The following MYO5C variants were observed in gnomAD, a reference collection of about 807,000 sequenced individuals.
MYO5C encodes unconventional myosin-Vc.
In MYO5C, 194 loss-of-function variants were observed where a neutral mutation model predicts 235.7. The ratio of observed to expected loss-of-function variants is 0.82; its 90% CI spans 0.73 to 0.93. The LOEUF (loss-of-function observed/expected upper bound fraction) is 0.93. Ranked by LOEUF, MYO5C falls within the 40% of genes least tolerant of loss-of-function variation. The pLI, the probability that MYO5C is intolerant of heterozygous loss-of-function variation, is 0.00. For missense variants in MYO5C, 2,038 were observed against 2,127.2 expected (o/e 0.96, Z 0.82); for synonymous variants, 707 against 754.8 (o/e 0.94, Z 1.04).
intron 10 of MYO5C, among the ~76,000 whole-genome samples, chr15:52,259,682 G>C (rs2036651128): frequency 6.6e-6 from 1 of 152,220 alleles, no homozygotes; most frequent in African/African-American, 2.4e-5. Flanking sequence ...AATGTATTAA[G>C]CATTTTATAA....
chr15:52,218,797 A>C, intron 31 of MYO5C, 110 bp from the exon 32 acceptor site: 1 of 1,115,728 alleles, frequency 9.0e-7, no homozygotes, highest in Non-Finnish European at 1.3e-6. Context: ...ACCTTGGCCA[A>C]TTTCTGTGTA....
chr15:52,229,081 G>A, intron 25 of MYO5C, 52 bp downstream of exon 25: 1 of 1,597,662 alleles, frequency 6.3e-7, no homozygotes, highest in Non-Finnish European at 8.5e-7. Flanking sequence ...ACTTGGAATT[G>A]CAATCAAATG....
rs919869904 is a variant in MYO5C, at chr15:52,275,509, C to A, written c.606+53G>T. ...TTAGCCAGGAGAGCACACAAACCAA[C>A]CAACCCCCATTTCCATCACCAACAC... On this transcript the variant is annotated intron_variant, in intron 5 of 40. Coordinates refer to ENST00000261839, the MANE Select transcript of MYO5C (RefSeq NM_018728.4). 28 of 1,608,622 alleles carry A rather than the reference C, an allele frequency of 1.7e-5. 3 individuals carry two copies. Among genetic ancestry groups the A allele is most frequent in the Middle Eastern group, 3.3e-4 (2 of 6,040 alleles).
intron 35 of MYO5C, among the ~76,000 whole-genome samples, chr15:52,211,324 C>A (rs1404928568): frequency 1.3e-5 from 2 of 152,156 alleles, no homozygotes; most frequent in African/African-American, 4.8e-5. Context: ...CATTTGTGGA[C>A]TGGGAATAAA....
intron 38 of MYO5C, among the ~76,000 whole-genome samples, chr15:52,201,057 A>G (rs1671212407): frequency 6.6e-6 from 1 of 152,184 alleles, no homozygotes; most frequent in South Asian, 2.1e-4. Flanking sequence ...CAATAACAAA[A>G]AGTCTTTAAC....
At position 52,192,719 on chromosome 15, in the gene MYO5C, G is replaced by A. The variant is rs1231659943; in HGVS notation, c.*1183C>T. On this transcript the variant is annotated 3_prime_UTR_variant, in exon 41 of 41. Coordinates refer to ENST00000261839, the MANE Select transcript of MYO5C (RefSeq NM_018728.4). Reference sequence around the variant, plus strand: ...GGAAACGTAGATTTCTCAAAAGTAGGGTCCGACACAATTTTTTAGTTACTT... The same window carrying A: ...GGAAACGTAGATTTCTCAAAAGTAGAGTCCGACACAATTTTTTAGTTACTT... The A allele has an allele frequency of 1.3e-5, 2 of 152,018 alleles. No individual in the cohort carries two copies. Among genetic ancestry groups the A allele is most frequent in the Admixed American group, 6.6e-5 (1 of 15,264 alleles). The allele number at this position is 152,018 out of a possible 1,614,324, so 9.4% of individuals were successfully genotyped here.
intron 3 of MYO5C, 45 bp from the exon 4 acceptor site, chr15:52,279,062 C>G (rs751720552): frequency 6.4e-7 from 1 of 1,556,474 alleles, no homozygotes; most frequent in Non-Finnish European, 8.7e-7. Flanking sequence ...TTACTGCCAC[C>G]TGCATCTCCA....
At chr15:52,250,073 G>A (rs1020697985) in intron 13 of MYO5C, among the ~76,000 whole-genome samples, 6 of 152,070 alleles carry the variant, frequency 3.9e-5, no homozygotes, top group African/African-American at 1.2e-4. Flanking sequence ...TGCTTTTTAT[G>A]GAGTCTGGTC....
intron 13 of MYO5C, among the ~76,000 whole-genome samples, chr15:52,249,083 A>G (rs2036416409): frequency 6.6e-6 from 1 of 152,190 alleles, no homozygotes; most frequent in South Asian, 2.1e-4. Flanking sequence ...TCCTACAAGA[A>G]CACCTGACTT....
At chr15:52,258,304 G>A (rs1407427149) in intron 10 of MYO5C, among the ~76,000 whole-genome samples, 1 of 152,190 alleles carries the variant, frequency 6.6e-6, no homozygotes, top group Non-Finnish European at 1.5e-5. Context: ...AAATCACCCT[G>A]CAAGAGAGGC....
chr15:52,289,239 A>G (rs1407420238), intron 1 of MYO5C, among the ~76,000 whole-genome samples: 1 of 150,248 alleles, frequency 6.7e-6, no homozygotes, highest in Non-Finnish European at 1.5e-5. Context: ...TCTTCTCATG[A>G]TAGGCTGTTT....
intron 13 of MYO5C, among the ~76,000 whole-genome samples, chr15:52,250,159 A>T (rs2036440274): frequency 6.6e-6 from 1 of 152,148 alleles, no homozygotes; most frequent in Non-Finnish European, 1.5e-5. Flanking sequence ...TTGACATATG[A>T]TCATTTCATT....
chr15:52,235,006 T>TTG lies in MYO5C; in HGVS notation c.2962+662_2962+663dup, dbSNP rs374886628. Reference sequence around the variant, plus strand: ...AGGGATCACCAGGCTCTGTTGCCTGTTGCCTTTTCTGGGGTACAACAAGTA... The same window carrying TTG: ...AGGGATCACCAGGCTCTGTTGCCTGTTGTGCCTTTTCTGGGGTACAACAAGTA... On this transcript the variant is annotated intron_variant, in intron 23 of 40. Coordinates refer to ENST00000261839, the MANE Select transcript of MYO5C (RefSeq NM_018728.4). 3.2e-3 allele frequency among the ~76,000 whole-genome samples: 482 copies of TTG among 152,292 alleles called. 2 individuals are homozygous for TTG. Among genetic ancestry groups the TTG allele is most frequent in the African/African-American group, 0.011 (460 of 41,548 alleles).
chr15:52,286,402 G>A (rs1566995748), intron 1 of MYO5C, among the ~76,000 whole-genome samples: 2 of 152,128 alleles, frequency 1.3e-5, no homozygotes, highest in Admixed American at 1.3e-4. Context: ...GGGAAGTGAG[G>A]AGCCCCTCTG....
At chr15:52,225,167 T>C (rs1276675681) in intron 26 of MYO5C, 29 bp from the exon 27 acceptor site, 13 of 1,610,664 alleles carry the variant, frequency 8.1e-6, no homozygotes, top group Non-Finnish European at 1.1e-5. Context: ...GTTGTATATA[T>C]TACATTTGTG....
At chr15:52,239,592 GT>G in intron 21 of MYO5C, 140 bp downstream of exon 21, 1 of 808,990 alleles carries the variant, frequency 1.2e-6, no homozygotes. Context: ...GTGTACTTCT[GT>G]TTCCTAGCTC....
chr15:52,225,589 T>C, intron 25 of MYO5C, 57 bp from the exon 26 acceptor site: 1 of 1,188,302 alleles, frequency 8.4e-7, no homozygotes, highest in Admixed American at 1.7e-5. Flanking sequence ...ATGCTTTATA[T>C]AAGACAAAGG....
chr15:52,290,007 G>A (rs2037353750), intron 1 of MYO5C, among the ~76,000 whole-genome samples: 1 of 152,238 alleles, frequency 6.6e-6, no homozygotes, highest in South Asian at 2.1e-4. Flanking sequence ...ACAGTCTGGA[G>A]TAGCTGGAGA....
chr15:52,237,386 C>T (rs2036109461), intron 22 of MYO5C, 96 bp downstream of exon 22: 1 of 1,441,250 alleles, frequency 6.9e-7, no homozygotes, highest in Non-Finnish European at 9.3e-7. Flanking sequence ...CTGATTTGCT[C>T]TGCAGAAATC....
Sources: allele counts gnomAD v4.1 joint callset (sites outside exome capture counted in the v4.1 genomes callset), GRCh38; gene constraint gnomAD v4.1.1; transcripts MANE v1.5; gene names NCBI Gene and HGNC (gene_info 2026-07-23, HGNC 2026-07-21).